GCNA: variants seen among roughly 807,000 people sequenced by gnomAD.
GCNA encodes the protein germ cell nuclear acidic peptidase.
Under a neutral mutation model 38.8 loss-of-function variants are expected in GCNA, and 3 were observed. The observed-to-expected ratio is 0.08, with a 90% CI of 0.04 to 0.20. The LOEUF (loss-of-function observed/expected upper bound fraction) is 0.20. Among genes scored for constraint, GCNA ranks in the 10% least tolerant of loss-of-function variants. The probability of loss-of-function intolerance (pLI) is 1.00; values close to 1 mark genes in which losing one functional copy is unlikely to be tolerated. For missense variants in GCNA, 446 were observed against 578.6 expected (o/e 0.77, Z 2.35); for synonymous variants, 195 against 240.2 (o/e 0.81, Z 1.74).
chrX:71,594,487 G>A (rs1210593839), intron 5 of GCNA, 110 bp downstream of exon 5: 2 of 615,156 alleles, frequency 3.3e-6, no homozygotes, highest in Admixed American at 7.0e-5. Flanking sequence ...GTCACCTCTA[G>A]GGCTCTCTTT....
rs373722789 is a variant in GCNA at position 71,599,654 on chromosome X, C to T, written c.310+1616C>T. 1.8e-4 allele frequency among the ~76,000 whole-genome samples: 20 copies of T among 112,255 alleles called. No individual in the cohort carries two copies. The East Asian group carries it at 2.0e-3, about 11-fold the overall frequency. On this transcript the variant is annotated intron_variant, in intron 7 of 12. Coordinates refer to ENST00000373696, the MANE Select transcript of GCNA (RefSeq NM_052957.5). ...TTGTATGTTTCTTTGCTGTTCTCTA[C>T]GTGGCATTTCTTTTTGTTATAATGA...
At position 71,604,136 on chromosome X, in the gene GCNA, G is replaced by A. The variant is rs1286678520; in HGVS notation, c.859G>A (p.Asp287Asn). The A allele has an allele frequency of 2.5e-6, 3 of 1,204,932 alleles. No individual in the cohort carries two copies. Among genetic ancestry groups the A allele is most frequent in the Non-Finnish European group, 3.4e-6 (3 of 893,423 alleles). The change falls in exon 8 of 13, where the codon GAC becomes AAC. Residue 287 changes from aspartate (D) to asparagine (N), a missense_variant. Around this residue, in one of 7 missense-constraint regions of GCNA, gnomAD observed 28 missense variants for 77.0 expected, o/e 0.36. Transcript: ENST00000373696. Reference sequence around the variant, plus strand: ...CAGTGATGATTCGGAAGCTTCCGACGACAGCAGTGATGATTCGGAAGCTTC... The same window carrying A: ...CAGTGATGATTCGGAAGCTTCCGACAACAGCAGTGATGATTCGGAAGCTTC... ...DSSDDSEASD[D>N]SSDDSEASDD... is the part of the protein sequence containing the mutation.
intron 7 of GCNA, among the ~76,000 whole-genome samples, chrX:71,599,619 A>G (rs2040697897): frequency 8.9e-6 from 1 of 112,237 alleles, no homozygotes. Flanking sequence ...ATGCTCCTAT[A>G]GGACTGGCTT....
intron 7 of GCNA, among the ~76,000 whole-genome samples, chrX:71,598,830 C>A (rs1404059229): frequency 9.0e-6 from 1 of 110,696 alleles, no homozygotes; most frequent in Non-Finnish European, 1.9e-5. Context: ...GAAAATGGGA[C>A]ACCCTTAAAG....
chrX:71,598,524 T>C (rs956864336), intron 7 of GCNA, among the ~76,000 whole-genome samples: 2 of 111,640 alleles, frequency 1.8e-5, no homozygotes, highest in African/African-American at 6.5e-5. Flanking sequence ...ATTGAGCTGC[T>C]GGTCTTTGCT....
intron 1 of GCNA, among the ~76,000 whole-genome samples, chrX:71,579,030 T>C (rs1163866914): frequency 2.7e-5 from 2 of 75,168 alleles, no homozygotes; most frequent in Non-Finnish European, 5.2e-5. Context: ...AGTGACGGTG[T>C]GGGGAGAAGT....
At chrX:71,589,604 A>G (rs917188238) in intron 2 of GCNA, among the ~76,000 whole-genome samples, 1 of 106,719 alleles carries the variant, frequency 9.4e-6, no homozygotes, top group Non-Finnish European at 1.9e-5. Flanking sequence ...AAATTGGACT[A>G]TAGGCATGTG....
At chrX:71,579,991 G>A (rs1332810524) in intron 1 of GCNA, among the ~76,000 whole-genome samples, 2 of 107,651 alleles carry the variant, frequency 1.9e-5, no homozygotes, top group African/African-American at 6.8e-5. Context: ...CAGAGTGGCG[G>A]GAGGTAAGGG....
At chrX:71,581,187 C>T (rs769536925) in intron 2 of GCNA, among the ~76,000 whole-genome samples, 27 of 112,106 alleles carry the variant, frequency 2.4e-4, no homozygotes, top group Non-Finnish European at 4.9e-4. Context: ...CCTGTTGTTC[C>T]ACGCCAGTAT....
rs927820866 is a variant in GCNA at position 71,610,932 on chromosome X, G to T, written c.1750+113G>T. 22 of 1,039,243 alleles carry T rather than the reference G, an allele frequency of 2.1e-5. No individual in the cohort carries two copies. In the African/African-American group the frequency reaches 3.9e-4, roughly 18 times the overall value. The allele number at this position is 1,039,243 out of a possible 1,213,427, so 85.6% of individuals were successfully genotyped here. A position where few individuals can be genotyped will look rare whatever the true frequency, so the allele number is the denominator to read the frequency against. ...TCACAGCTCGAACTGTCATTCTTGGGTGGGCAGGCATGCTGTGTGTTGCTT... is the reference window on the plus strand; with the variant it reads ...TCACAGCTCGAACTGTCATTCTTGGTTGGGCAGGCATGCTGTGTGTTGCTT... On this transcript the variant is annotated intron_variant, in intron 11 of 12. Coordinates refer to ENST00000373696, the MANE Select transcript of GCNA (RefSeq NM_052957.5).
rs2040788657 is a variant in GCNA at position 71,608,894 on chromosome X, G to A, written c.1467-79G>A. ...GAAGAGGGAGCAACATGTTTTCAGGGTCTCTTGACGAGACGCTTAGGTGTG... is the reference window on the plus strand; with the variant it reads ...GAAGAGGGAGCAACATGTTTTCAGGATCTCTTGACGAGACGCTTAGGTGTG... On this transcript the variant is annotated intron_variant, in intron 9 of 12. Transcript: ENST00000373696. 2.8e-6 allele frequency: 3 copies of A among 1,083,571 alleles called. No individual in the cohort carries two copies. The Admixed American group carries it at 9.3e-5, about 34-fold the overall frequency. The allele number at this position is 1,083,571 out of a possible 1,213,427, so 89.3% of individuals were successfully genotyped here.
intron 2 of GCNA, among the ~76,000 whole-genome samples, chrX:71,583,888 A>G (rs1238999917): frequency 9.7e-6 from 1 of 103,528 alleles, no homozygotes; most frequent in Non-Finnish European, 2.0e-5. Flanking sequence ...TTGTATTTTT[A>G]GTAGAGATGG....
intron 2 of GCNA, among the ~76,000 whole-genome samples, chrX:71,585,567 T>A (rs1022346592): frequency 1.8e-5 from 2 of 110,555 alleles, no homozygotes; most frequent in African/African-American, 6.6e-5. Context: ...AGGCTTCTGG[T>A]TGGAGATAGC....
chrX:71,596,398 G>A (rs1443836484), intron 6 of GCNA, among the ~76,000 whole-genome samples: 3 of 111,573 alleles, frequency 2.7e-5, no homozygotes, highest in Non-Finnish European at 5.6e-5. Flanking sequence ...GATGGATTTT[G>A]ACAAGCATAT....
chrX:71,589,450 CTTTTTTTT>C (rs371046758), intron 2 of GCNA, among the ~76,000 whole-genome samples: 5 of 37,692 alleles, frequency 1.3e-4, no homozygotes, highest in Non-Finnish European at 2.3e-4. Flanking sequence ...CATATATTTC[CTTTTTTTT>C]TTTTTTTTTT....
At position 71,604,182 on chromosome X, in the gene GCNA, C is replaced by T; in HGVS notation, c.905C>T (p.Ser302Leu). ...GCTTCCGACGACAGCAGTGATGATT[C>T]GGAAGCTCCCGACGACAAGAGTGAT... ...SEASDDSSDD[S>L]EAPDDKSDDS... Residue 302 changes from serine to leucine, a missense_variant, in exon 8 of 13, where the codon TCG becomes TTG. This residue lies in a region of GCNA where 160 missense variants were observed against 165.2 expected (regional missense o/e 0.97). Coordinates refer to ENST00000373696, the MANE Select transcript of GCNA (RefSeq NM_052957.5). The T allele has an allele frequency of 8.3e-7, 1 of 1,211,464 alleles. No homozygotes were observed. Among genetic ancestry groups the T allele is most frequent in the Non-Finnish European group, 1.1e-6 (1 of 895,406 alleles).
At chrX:71,584,966 G>A (rs2040574404) in intron 2 of GCNA, among the ~76,000 whole-genome samples, 1 of 111,127 alleles carries the variant, frequency 9.0e-6, no homozygotes, top group Admixed American at 9.6e-5. Flanking sequence ...TTTCTTTGTT[G>A]GGAGGTTTTT....
intron 9 of GCNA, 147 bp downstream of exon 9, chrX:71,605,876 T>A: frequency 2.3e-6 from 1 of 435,318 alleles, no homozygotes; most frequent in African/African-American, 2.5e-5. Flanking sequence ...TGTCCTTGAG[T>A]AGGAGGGCCC....
intron 2 of GCNA, among the ~76,000 whole-genome samples, chrX:71,586,663 G>A (rs1307024692): frequency 6.3e-5 from 7 of 110,768 alleles, no homozygotes; most frequent in Non-Finnish European, 1.3e-4. Context: ...AGGCTTGAGT[G>A]CAGTGGTGCG....
Sources: gnomAD v4.1 joint callset for allele counts (sites outside exome capture counted in the v4.1 genomes callset) on GRCh38, gnomAD v4.1.1 for gene constraint, gnomAD v4.1.1 regional missense constraint, MANE v1.5 for transcripts, NCBI Gene and HGNC (gene_info 2026-07-23, HGNC 2026-07-21) for gene names.